Variants in DDX4 observed in about 807,000 individuals in gnomAD.
DDX4 encodes DEAD-box helicase 4.
A neutral mutation model predicts 100.0 loss-of-function variants in DDX4; 25 were observed. The observed-to-expected ratio is 0.25, with a 90% CI of 0.18 to 0.35. The LOEUF (loss-of-function observed/expected upper bound fraction) is 0.35. Among genes scored for constraint, DDX4 ranks in the 10% least tolerant of loss-of-function variants. The pLI is 1.00. For missense variants in DDX4, 635 were observed against 882.4 expected, an observed-to-expected ratio of 0.72 and a Z score of 3.55; for synonymous variants, 259 against 275.7, an observed-to-expected ratio of 0.94 and a Z score of 0.60.
At chr5:55,793,016 T>C (rs2112064797) in intron 17 of DDX4, among the ~76,000 whole-genome samples, 1 of 145,454 alleles carries the variant, frequency 6.9e-6, no homozygotes, top group African/African-American at 2.7e-5. Context: ...TCACATTTTA[T>C]TTAAAAAGTG....
intron 2 of DDX4, among the ~76,000 whole-genome samples, chr5:55,739,963 A>G (rs1275210721): frequency 6.6e-6 from 1 of 151,940 alleles, no homozygotes; most frequent in Non-Finnish European, 1.5e-5. Flanking sequence ...CTGGTTTCCA[A>G]CTCCTGAGTT....
intron 21 of DDX4, 60 bp downstream of exon 21, chr5:55,815,483 T>TTAA: frequency 6.4e-7 from 1 of 1,557,386 alleles, no homozygotes; most frequent in Non-Finnish European, 8.6e-7. Flanking sequence ...AATGTTGTGC[T>TTAA]TAATATTGTG....
chr5:55,760,067 C>G, intron 3 of DDX4, 133 bp from the exon 4 acceptor site: 12 of 551,478 alleles, frequency 2.2e-5, no homozygotes, highest in African/African-American at 2.2e-5. Flanking sequence ...TTTTTTTTTA[C>G]TGGGCTGTTT....
chr5:55,757,871 C>T lies in DDX4; in HGVS notation c.128-2329C>T, dbSNP rs1280344841. Among the ~76,000 whole-genome samples, 3 of 152,254 alleles carry T rather than the reference C, an allele frequency of 2.0e-5. No homozygotes were observed. In the East Asian group the frequency reaches 5.8e-4, roughly 29 times the overall value. On this transcript the variant is annotated intron_variant, in intron 3 of 21. Transcript: ENST00000505374. ...CCTGCTTGGCCAATGTGGTGAAACC[C>T]TGTCTCTACAAAAAAATAAAAAAAT...
At chr5:55,773,816 G>A (rs1023556270) in intron 7 of DDX4, among the ~76,000 whole-genome samples, 1 of 151,960 alleles carries the variant, frequency 6.6e-6, no homozygotes, top group African/African-American at 2.4e-5. Context: ...TAGAGATGGG[G>A]TTCCACTACA....
intron 17 of DDX4, among the ~76,000 whole-genome samples, chr5:55,797,677 C>T (rs1338840522): frequency 6.6e-6 from 1 of 152,170 alleles, no homozygotes. Context: ...CCATTTATCC[C>T]TAAAAACTCA....
chr5:55,792,911 T>C (rs1742669967), intron 17 of DDX4, 104 bp downstream of exon 17: 1 of 687,724 alleles, frequency 1.5e-6, no homozygotes, highest in Non-Finnish European at 2.0e-6. Context: ...GTCGTTAAGA[T>C]TTTAATATAG....
At chr5:55,815,798 G>T (rs1744370561) in intron 21 of DDX4, among the ~76,000 whole-genome samples, 2 of 142,226 alleles carry the variant, frequency 1.4e-5, no homozygotes, top group African/African-American at 2.6e-5. Context: ...TTGAGATAGT[G>T]TCTGGCTCTG....
At chr5:55,766,849 T>C in intron 6 of DDX4, 1 of 1,468,434 alleles carries the variant, frequency 6.8e-7, no homozygotes, top group Non-Finnish European at 9.0e-7. Context: ...TGGAATCTTC[T>C]GGAAAGCCTG....
chr5:55,760,372 G>A lies in DDX4; in HGVS notation c.205+95G>A, dbSNP rs144189622. On this transcript the variant is annotated intron_variant, in intron 4 of 21. Transcript: ENST00000505374. ...CATTTGGTACAAAGCTAAGTCTGTTGTAAGTCAGTGTGTAGTAGACTTGGT... is the reference window on the plus strand; with the variant it reads ...CATTTGGTACAAAGCTAAGTCTGTTATAAGTCAGTGTGTAGTAGACTTGGT... 1.0e-4 allele frequency: 133 copies of A among 1,270,476 alleles called. 2 individuals are homozygous for A. The East Asian group carries it at 3.7e-3, about 36-fold the overall frequency. The allele number at this position is 1,270,476 out of a possible 1,614,324, so 78.7% of individuals were successfully genotyped here. A position where few individuals can be genotyped will look rare whatever the true frequency, so the allele number is the denominator to read the frequency against.
intron 18 of DDX4, among the ~76,000 whole-genome samples, chr5:55,801,218 T>G (rs59518814): frequency 0.23 from 27,426 of 120,664 alleles, 3,289 homozygotes; most frequent in East Asian, 0.36. Context: ...ATGGGGTGTT[T>G]TTTTTTTTTT....
chr5:55,782,569 G>C (rs956095565), intron 10 of DDX4, among the ~76,000 whole-genome samples: 2 of 151,740 alleles, frequency 1.3e-5, no homozygotes, highest in Admixed American at 1.3e-4. Context: ...CTGCACTCCA[G>C]CCTGGTGACA....
chr5:55,758,564 G>T (rs890994325), intron 3 of DDX4, among the ~76,000 whole-genome samples: 1 of 152,056 alleles, frequency 6.6e-6, no homozygotes, highest in African/African-American at 2.4e-5. Flanking sequence ...TTTAACTTCT[G>T]TAGGAGAGTT....
At chr5:55,754,218 G>A (rs1291411825) in intron 3 of DDX4, among the ~76,000 whole-genome samples, 1 of 150,806 alleles carries the variant, frequency 6.6e-6, no homozygotes, top group Non-Finnish European at 1.5e-5. Context: ...TGTTGAATAG[G>A]AGTGGTGAGA....
At chr5:55,768,859 T>G (rs1192501883) in intron 7 of DDX4, among the ~76,000 whole-genome samples, 1 of 152,240 alleles carries the variant, frequency 6.6e-6, no homozygotes, top group African/African-American at 2.4e-5. Context: ...TGGTTTTGAT[T>G]TGCATTTCTC....
intron 7 of DDX4, among the ~76,000 whole-genome samples, chr5:55,770,203 TG>T (rs960675083): frequency 1.4e-5 from 2 of 148,086 alleles, no homozygotes; most frequent in African/African-American, 5.0e-5. Context: ...CTGTTGGTTG[TG>T]GTTTTTTTTT....
intron 18 of DDX4, among the ~76,000 whole-genome samples, chr5:55,801,248 AT>A (rs925062675): frequency 6.7e-6 from 1 of 148,356 alleles, no homozygotes; most frequent in Non-Finnish European, 1.5e-5. Flanking sequence ...TTAAAAAAAC[AT>A]TTTTTTAAAG....
intron 3 of DDX4, among the ~76,000 whole-genome samples, chr5:55,757,104 A>C (rs1759986663): frequency 6.6e-6 from 1 of 152,174 alleles, no homozygotes; most frequent in African/African-American, 2.4e-5. Context: ...CTCTTGTACC[A>C]TCATTTTTAT....
Position 55,785,654 on chromosome 5 carries a change from A to C in DDX4, c.722-75A>C. 2.8e-6 allele frequency: 4 copies of C among 1,406,390 alleles called. No individual in the cohort carries two copies. The South Asian group carries it at 3.9e-5, about 14-fold the overall frequency. 87.1% of individuals were successfully genotyped at this position (1,406,390 alleles called of 1,614,324 possible). A position where few individuals can be genotyped will look rare whatever the true frequency, so the allele number is the denominator to read the frequency against. On this transcript the variant is annotated intron_variant, in intron 12 of 21. Coordinates refer to ENST00000505374, the MANE Select transcript of DDX4 (RefSeq NM_024415.3). ...ATAGTATTTAAAATTTGATCTTGTC[A>C]ATTTTTGTCTATTTTCTCTTATATT...
Sources: allele counts gnomAD v4.1 joint callset (sites outside exome capture counted in the v4.1 genomes callset), GRCh38; gene constraint gnomAD v4.1.1; transcripts MANE v1.5; gene names NCBI Gene and HGNC (gene_info 2026-07-23, HGNC 2026-07-21).